DLG2: variants seen among roughly 807,000 people sequenced by gnomAD.
DLG2 encodes the protein discs large MAGUK scaffold protein 2.
In DLG2, 45 loss-of-function variants were observed where a neutral mutation model predicts 132.5. The ratio of observed to expected loss-of-function variants is 0.34; its 90% CI spans 0.27 to 0.44. The LOEUF is 0.44. Among genes scored for constraint, DLG2 ranks in the 20% least tolerant of loss-of-function variants. The pLI is 1.00. For missense variants in DLG2, 1,045 were observed against 1,196.9 expected (o/e 0.87, Z 1.87); for synonymous variants, 424 against 419.6 (o/e 1.01, Z -0.13).
chr11:83,715,284 G>C (rs2086435422), intron 18 of DLG2, among the ~76,000 whole-genome samples: 1 of 152,034 alleles, frequency 6.6e-6, no homozygotes, highest in Non-Finnish European at 1.5e-5. Context: ...TTTCCTACTA[G>C]ATATTAAATA....
At chr11:84,238,652 TG>T (rs112585057) in intron 8 of DLG2, among the ~76,000 whole-genome samples, 530 of 148,474 alleles carry the variant, frequency 3.6e-3, no homozygotes, top group African/African-American at 5.1e-3. Flanking sequence ...TTTTTTTTTT[TG>T]GAAATAGAGT....
intron 6 of DLG2, among the ~76,000 whole-genome samples, chr11:84,993,597 G>T (rs1355674148): frequency 6.6e-6 from 1 of 152,106 alleles, no homozygotes; most frequent in African/African-American, 2.4e-5. Flanking sequence ...TTACTGCCTC[G>T]CCACTGCCTC....
intron 6 of DLG2, among the ~76,000 whole-genome samples, chr11:84,559,213 T>G (rs1009176473): frequency 3.3e-5 from 5 of 152,236 alleles, no homozygotes; most frequent in African/African-American, 4.8e-5. Flanking sequence ...TGCCTGAACT[T>G]TTATCTATTA....
At chr11:83,677,649 C>A (rs2077987084) in intron 18 of DLG2, among the ~76,000 whole-genome samples, 1 of 152,102 alleles carries the variant, frequency 6.6e-6, no homozygotes, top group Non-Finnish European at 1.5e-5. Context: ...AAAAATCATT[C>A]ATGTTAATTG....
intron 8 of DLG2, among the ~76,000 whole-genome samples, chr11:84,171,365 A>G (rs1566802541): frequency 6.6e-6 from 1 of 152,120 alleles, no homozygotes; most frequent in Non-Finnish European, 1.5e-5. Context: ...CACTGTATCT[A>G]TTGGGTAATT....
chr11:85,456,361 T>C (rs527858922), intron 3 of DLG2, among the ~76,000 whole-genome samples: 1 of 152,300 alleles, frequency 6.6e-6, no homozygotes, highest in Admixed American at 6.5e-5. Context: ...TATATTTTCT[T>C]CTTTATTAGT....
intron 16 of DLG2, among the ~76,000 whole-genome samples, chr11:83,862,148 T>C (rs1165924217): frequency 6.6e-6 from 1 of 152,192 alleles, no homozygotes; most frequent in Non-Finnish European, 1.5e-5. Context: ...CCCATGGTGA[T>C]TGCAGCACTA....
intron 18 of DLG2, among the ~76,000 whole-genome samples, chr11:83,653,798 T>C (rs1285834220): frequency 6.6e-6 from 1 of 151,968 alleles, no homozygotes; most frequent in African/African-American, 2.4e-5. Flanking sequence ...TCTTGGCTCA[T>C]TGCAACCTCT....
intron 5 of DLG2, among the ~76,000 whole-genome samples, chr11:85,119,895 C>T (rs921682098): frequency 6.6e-6 from 1 of 151,970 alleles, no homozygotes; most frequent in African/African-American, 2.4e-5. Context: ...TAATTAACTA[C>T]ATGGGAAAGG....
chr11:83,986,427 T>C (rs1203500244), intron 11 of DLG2, among the ~76,000 whole-genome samples: 1 of 151,540 alleles, frequency 6.6e-6, no homozygotes, highest in African/African-American at 2.4e-5. Flanking sequence ...CCATGGTGTA[T>C]ATGTGCCACA....
intron 4 of DLG2, among the ~76,000 whole-genome samples, chr11:85,173,664 T>C (rs2079028181): frequency 6.6e-6 from 1 of 152,064 alleles, no homozygotes; most frequent in Non-Finnish European, 1.5e-5. Flanking sequence ...AATGTTCCAA[T>C]TAGAAGACAG....
At chr11:84,896,259 G>T (rs964464594) in intron 6 of DLG2, among the ~76,000 whole-genome samples, 5 of 152,090 alleles carry the variant, frequency 3.3e-5, no homozygotes, top group Middle Eastern at 3.4e-3. Flanking sequence ...ATTCTACAAC[G>T]AGCAGAGGGT....
At chr11:84,881,842 A>G (rs1222508890) in intron 6 of DLG2, among the ~76,000 whole-genome samples, 1 of 152,052 alleles carries the variant, frequency 6.6e-6, no homozygotes, top group African/African-American at 2.4e-5. Context: ...GTAGGCCTAC[A>G]CCTCTTATAA....
intron 6 of DLG2, among the ~76,000 whole-genome samples, chr11:84,824,373 A>G (rs968202882): frequency 2.6e-5 from 4 of 151,926 alleles, no homozygotes; most frequent in Non-Finnish European, 4.4e-5. Context: ...AGCTAACAAA[A>G]AAAGAGATTT....
rs1245887295 is a variant in DLG2 at position 84,012,612 on chromosome 11, A to G, written c.920-31970T>C. 5.9e-5 allele frequency among the ~76,000 whole-genome samples: 9 copies of G among 152,308 alleles called. No individual in the cohort carries two copies. The South Asian group carries it at 1.5e-3, about 25-fold the overall frequency. ...TTTCTGCTTTACTGTCAAAATATTCAGAGTTTCAAAACAGAGTCTGTGGTT... is the reference window on the plus strand; with the variant it reads ...TTTCTGCTTTACTGTCAAAATATTCGGAGTTTCAAAACAGAGTCTGTGGTT... On this transcript the variant is annotated intron_variant, in intron 11 of 27. Transcript: ENST00000376104.
chr11:84,628,002 G>A (rs1053299230), intron 6 of DLG2, among the ~76,000 whole-genome samples: 4 of 151,876 alleles, frequency 2.6e-5, no homozygotes, highest in African/African-American at 9.7e-5. Flanking sequence ...GGACATATAT[G>A]ATCCAAACTC....
intron 6 of DLG2, among the ~76,000 whole-genome samples, chr11:84,688,717 T>G (rs1490489594): frequency 6.6e-6 from 1 of 152,134 alleles, no homozygotes; most frequent in South Asian, 2.1e-4. Context: ...CCTACTCCAT[T>G]TCACTTGGAA....
At chr11:84,605,531 C>T (rs2099583950) in intron 6 of DLG2, among the ~76,000 whole-genome samples, 2 of 150,702 alleles carry the variant, frequency 1.3e-5, no homozygotes, top group Admixed American at 1.3e-4. Flanking sequence ...CACTATTCAA[C>T]ATCTTTGCAT....
At chr11:85,507,484 G>C (rs1308946745) in intron 3 of DLG2, among the ~76,000 whole-genome samples, 1 of 152,102 alleles carries the variant, frequency 6.6e-6, no homozygotes, top group Non-Finnish European at 1.5e-5. Flanking sequence ...TAGTTTGGTT[G>C]GATATGAAAT....
Sources: allele counts gnomAD v4.1 joint callset (sites outside exome capture counted in the v4.1 genomes callset), GRCh38; gene constraint gnomAD v4.1.1; transcripts MANE v1.5; gene names NCBI Gene and HGNC (gene_info 2026-07-23, HGNC 2026-07-21).